PFKL: variants seen among roughly 807,000 people sequenced by gnomAD.
PFKL encodes the protein phosphofructokinase, liver type.
In PFKL, 74 loss-of-function variants were observed where a neutral mutation model predicts 92.1. That is an observed-to-expected ratio of 0.80 (90% CI 0.67 to 0.97). The LOEUF (loss-of-function observed/expected upper bound fraction) is 0.97. PFKL is among the 50% of genes least tolerant of loss of function. The pLI is 0.00. For missense variants in PFKL, 1,028 were observed against 1,116.6 expected (o/e 0.92, Z 1.13); for synonymous variants, 494 against 456.4 (o/e 1.08, Z -1.05).
intron 4 of PFKL, among the ~76,000 whole-genome samples, chr21:44,312,669 G>A (rs565649619): frequency 1.3e-5 from 2 of 152,358 alleles, no homozygotes; most frequent in East Asian, 1.9e-4. Context: ...ACAGAGTCCC[G>A]AGATTGCTGC....
chr21:44,324,028 G>A, intron 16 of PFKL, 110 bp downstream of exon 16: 1 of 1,306,464 alleles, frequency 7.7e-7, no homozygotes, highest in East Asian at 2.4e-5. Flanking sequence ...TGGGAGGGCT[G>A]CCAGGGTTGG....
intron 21 of PFKL, 75 bp downstream of exon 21, chr21:44,326,339 C>T (rs2047509081): frequency 1.8e-6 from 2 of 1,139,410 alleles, no homozygotes; most frequent in Non-Finnish European, 2.6e-6. Flanking sequence ...GCAGGTGTGC[C>T]AGGCCCAGCC....
intron 1 of PFKL, among the ~76,000 whole-genome samples, chr21:44,301,796 T>C (rs1434503065): frequency 1.3e-5 from 2 of 152,170 alleles, no homozygotes; most frequent in Non-Finnish European, 2.9e-5. Flanking sequence ...CCCAACCAGC[T>C]TCCTTGTTTG....
rs376101376 is a variant in PFKL, at chr21:44,321,830, A to G, written c.1293A>G (p.Thr431=). 2.9e-5 allele frequency: 46 copies of G among 1,597,400 alleles called. No individual in the cohort carries two copies. In the African/African-American group the frequency reaches 4.8e-4, roughly 17 times the overall value. The change falls in exon 13 of 22, where the codon ACA becomes ACG. Residue 431 remains threonine, a synonymous_variant. Coordinates refer to ENST00000349048, the MANE Select transcript of PFKL (RefSeq NM_002626.6). The part of the protein sequence containing the change: ...AVRTGISHGH[T]VYVVHDGFEG... ...GGACCGGCATCTCCCATGGACACAC[A>G]GTATACGTGGTGCACGATGGCTTCG...
intron 1 of PFKL, among the ~76,000 whole-genome samples, chr21:44,303,441 A>AAAAAAAAAAGACTTGATC (rs1555874962): frequency 1.0e-5 from 1 of 97,096 alleles, no homozygotes; most frequent in African/African-American, 5.3e-5. Flanking sequence ...ACCAAAAAAA[A>AAAAAAAAAAGACTTGATC]AAAAAAAAAA....
chr21:44,319,655 G>A (rs1293787038), intron 11 of PFKL: 9 of 577,922 alleles, frequency 1.6e-5, no homozygotes, highest in East Asian at 2.9e-5. Flanking sequence ...TGGGCATGGC[G>A]AGGGGATGAG....
At chr21:44,324,451 T>TG (rs771818001) in intron 16 of PFKL, 40 bp from the exon 17 acceptor site, 5 of 1,604,312 alleles carry the variant, frequency 3.1e-6, no homozygotes. Context: ...CAGGGAAGGG[T>TG]GGGCACGTGG....
intron 10 of PFKL, 119 bp downstream of exon 10, chr21:44,318,714 G>A: frequency 1.1e-6 from 1 of 881,928 alleles, no homozygotes; most frequent in Non-Finnish European, 1.6e-6. Context: ...GGGCCTCGTG[G>A]CTGGCCCAGG....
chr21:44,307,303 G>A (rs1345529261), intron 2 of PFKL: 1 of 985,254 alleles, frequency 1.0e-6, no homozygotes, highest in African/African-American at 1.7e-5. Flanking sequence ...CCCCGTGGGA[G>A]ATTTGGGGCT....
chr21:44,313,796 G>A (rs953265667), intron 6 of PFKL, 114 bp downstream of exon 6: 20 of 1,335,992 alleles, frequency 1.5e-5, no homozygotes, highest in African/African-American at 5.8e-5. Context: ...TGAGAGAGCC[G>A]GGTGGGGGCC....
Position 44,318,517 on chromosome 21 carries a change from G to C in PFKL, c.984G>C (p.Thr328=). ...CGGTGATGGCGCTGCTGGAAGCCAC[G>C]CCTGACACGCCGGCCTGCGTGGTCA... ...MEAVMALLEA[T]PDTPACVVTL... The change falls in exon 10 of 22, where the codon ACG becomes ACC. Residue 328 remains threonine (T), a synonymous_variant. Transcript: ENST00000349048. 1 of 1,576,756 alleles carries C rather than the reference G, an allele frequency of 6.3e-7. No individual in the cohort carries two copies. Among genetic ancestry groups the C allele is most frequent in the Non-Finnish European group, 8.7e-7 (1 of 1,156,000 alleles).
Position 44,312,312 on chromosome 21 carries a change from G to T in PFKL, c.427+18G>T, listed in dbSNP as rs373456669. 1.3e-6 allele frequency: 2 copies of T among 1,567,268 alleles called. No individual in the cohort carries two copies. Among genetic ancestry groups the T allele is most frequent in the East Asian group, 2.4e-5 (1 of 41,220 alleles). ...GGCGGAAGGTGGGTCTGTGCCCGGCGCACTGTAGGCCCTGGGGTTTTGTTT... is the reference window on the plus strand; with the variant it reads ...GGCGGAAGGTGGGTCTGTGCCCGGCTCACTGTAGGCCCTGGGGTTTTGTTT... On this transcript the variant is annotated intron_variant, in intron 4 of 21. Transcript: ENST00000349048.
chr21:44,304,696 G>A (rs140180860), intron 1 of PFKL, among the ~76,000 whole-genome samples: 4 of 135,368 alleles, frequency 3.0e-5, no homozygotes. Flanking sequence ...GTCTGGGGGG[G>A]GCTCGGCTGT....
In PFKL at chr21:44,320,157, G is replaced by A. The variant is rs764835341; in HGVS notation, c.1191+10G>A. ...GCCCCCCAAGGAGAAGGTGAGGCAG[G>A]GAGCGGCGCCCACAGAGGGAGGAAC... On this transcript the variant is annotated intron_variant, in intron 12 of 21. Coordinates refer to ENST00000349048, the MANE Select transcript of PFKL (RefSeq NM_002626.6). 4 of 1,611,826 alleles carry A rather than the reference G, an allele frequency of 2.5e-6. No homozygotes were observed. In the African/African-American group the frequency reaches 5.3e-5, roughly 22 times the overall value.
chr21:44,316,568 G>A (rs781626336), intron 9 of PFKL, 44 bp downstream of exon 9: 10 of 1,461,986 alleles, frequency 6.8e-6, no homozygotes, highest in African/African-American at 4.2e-5. Context: ...GTGGGTAAGC[G>A]TGGTGTGTGG....
Position 44,321,728 on chromosome 21 carries a change from G to A in PFKL, c.1192-1G>A. 1.3e-6 allele frequency: 2 copies of A among 1,563,100 alleles called. No individual in the cohort carries two copies. The highest frequency in any genetic ancestry group is 3.4e-4 in the Middle Eastern group (2 of 5,840). On this transcript the variant is annotated splice_acceptor_variant, in intron 12 of 21. Coordinates refer to ENST00000349048, the MANE Select transcript of PFKL (RefSeq NM_002626.6). LOFTEE classifies it high-confidence loss of function. ...ACGCTCATCTCCCCTTCTCTCTGAA[G>A]TCTAACTTCTCCCTGGCCATCCTGA... is the stretch of plus-strand genomic sequence containing the variant.
intron 9 of PFKL, among the ~76,000 whole-genome samples, chr21:44,316,996 A>G (rs574019365): frequency 7.4e-4 from 112 of 152,290 alleles, no homozygotes; most frequent in African/African-American, 2.6e-3. Flanking sequence ...GGTGGTGCCC[A>G]TGGCGCCTGT....
intron 11 of PFKL, 110 bp downstream of exon 11, chr21:44,319,525 A>G (rs1173942325): frequency 2.1e-6 from 2 of 932,008 alleles, no homozygotes; most frequent in East Asian, 4.8e-5. Flanking sequence ...CCTTCTAGGC[A>G]CCGCGTCTGA....
chr21:44,300,441 G>C (rs990838372), intron 1 of PFKL, among the ~76,000 whole-genome samples: 1 of 152,152 alleles, frequency 6.6e-6, no homozygotes, highest in South Asian at 2.1e-4. Flanking sequence ...CCCTGCCCCG[G>C]GGGTGTGTCC....
Sources: gnomAD v4.1 joint callset for allele counts (sites outside exome capture counted in the v4.1 genomes callset) on GRCh38, gnomAD v4.1.1 for gene constraint, MANE v1.5 for transcripts, NCBI Gene and HGNC (gene_info 2026-07-23, HGNC 2026-07-21) for gene names.